Variants in RASGRF2 observed in about 807,000 individuals in gnomAD.
RASGRF2 encodes ras-specific guanine nucleotide-releasing factor 2.
In RASGRF2, 76 loss-of-function variants were observed where a neutral mutation model predicts 151.0. The observed-to-expected ratio is 0.50, with a 90% confidence interval of 0.42 to 0.61. The LOEUF (loss-of-function observed/expected upper bound fraction) is 0.61, where lower values mean the gene tolerates loss of function less well. RASGRF2 is among the 20% of genes least tolerant of loss of function. The probability of loss-of-function intolerance (pLI) is 0.00; values close to 1 mark genes in which losing one functional copy is unlikely to be tolerated. For missense variants in RASGRF2, 1,148 were observed against 1,564.6 expected (o/e 0.73, Z 4.49); for synonymous variants, 504 against 566.5 (o/e 0.89, Z 1.57).
At chr5:81,162,348 G>T (rs1157217247) in intron 17 of RASGRF2, among the ~76,000 whole-genome samples, 6 of 151,844 alleles carry the variant, frequency 4.0e-5, no homozygotes, top group African/African-American at 1.5e-4. Context: ...TTTTTGTTTT[G>T]TTTTTGTTTT....
At chr5:81,031,571 G>A (rs1750249274) in intron 1 of RASGRF2, among the ~76,000 whole-genome samples, 2 of 152,056 alleles carry the variant, frequency 1.3e-5, no homozygotes, top group Non-Finnish European at 2.9e-5. Context: ...ACGAAATGAA[G>A]GCAGAAATAA....
intron 18 of RASGRF2, among the ~76,000 whole-genome samples, chr5:81,188,037 C>T (rs1755069665): frequency 6.6e-6 from 1 of 152,136 alleles, no homozygotes. Flanking sequence ...AAGAAACAAC[C>T]AGCTATTGAG....
At chr5:81,224,446 G>A (rs1005202105) in intron 26 of RASGRF2, among the ~76,000 whole-genome samples, 3 of 152,150 alleles carry the variant, frequency 2.0e-5, no homozygotes, top group Non-Finnish European at 2.9e-5. Flanking sequence ...GAATAAAATC[G>A]AACAATCACT....
At chr5:81,085,271 C>T (rs1045081456) in intron 7 of RASGRF2, among the ~76,000 whole-genome samples, 1 of 151,908 alleles carries the variant, frequency 6.6e-6, no homozygotes, top group Non-Finnish European at 1.5e-5. Flanking sequence ...AACAAAAGTA[C>T]AAATAAATAA....
At chr5:81,187,186 T>G (rs989010672) in intron 18 of RASGRF2, among the ~76,000 whole-genome samples, 21 of 152,168 alleles carry the variant, frequency 1.4e-4, no homozygotes, top group African/African-American at 5.1e-4. Flanking sequence ...CCAGGTAAAC[T>G]TGCTGTGATG....
At chr5:81,094,215 T>G (rs1752472562) in intron 10 of RASGRF2, 81 bp from the exon 11 acceptor site, 2 of 1,129,858 alleles carry the variant, frequency 1.8e-6, no homozygotes, top group East Asian at 2.5e-5. Context: ...CATGGCAACT[T>G]GAATATAGTG....
intron 17 of RASGRF2, among the ~76,000 whole-genome samples, chr5:81,137,654 G>T (rs1753784641): frequency 6.6e-6 from 1 of 152,194 alleles, no homozygotes; most frequent in Non-Finnish European, 1.5e-5. Flanking sequence ...CATACACATA[G>T]ACTAAGGCGT....
intron 1 of RASGRF2, among the ~76,000 whole-genome samples, chr5:81,027,772 G>A (rs527524056): frequency 4.1e-4 from 62 of 152,298 alleles, no homozygotes; most frequent in African/African-American, 1.5e-3. Flanking sequence ...TTCCAGGTCT[G>A]TAAACTCTGC....
chr5:81,002,554 C>G (rs1260085901), intron 1 of RASGRF2, among the ~76,000 whole-genome samples: 4 of 151,994 alleles, frequency 2.6e-5, no homozygotes, highest in Non-Finnish European at 5.9e-5. Flanking sequence ...AGGGAAGGGC[C>G]TTTAATTACT....
At position 81,031,283 on chromosome 5, in the gene RASGRF2, C is replaced by T. The variant is rs180785223; in HGVS notation, c.289-11594C>T. Among the ~76,000 whole-genome samples, 7 of 152,276 alleles carry T rather than the reference C, an allele frequency of 4.6e-5. No individual in the cohort carries two copies. In the East Asian group the frequency reaches 1.4e-3, roughly 29 times the overall value. ...AAGGATATCCAGGAATTGAACTCAG[C>T]TCTGCACCAAGCAGACCTAATAGAC... On this transcript the variant is annotated intron_variant, in intron 1 of 26. Transcript: ENST00000265080.
intron 17 of RASGRF2, among the ~76,000 whole-genome samples, chr5:81,162,465 A>G (rs1754406801): frequency 6.6e-6 from 1 of 152,146 alleles, no homozygotes; most frequent in Non-Finnish European, 1.5e-5. Context: ...CTCCTGCCTT[A>G]GCATCATGAG....
In RASGRF2 at chr5:81,180,276, G is replaced by T; in HGVS notation, c.2788G>T (p.Ala930Ser). 4 of 1,590,150 alleles carry T rather than the reference G, an allele frequency of 2.5e-6. No individual in the cohort carries two copies. Among genetic ancestry groups the T allele is most frequent in the African/African-American group, 1.3e-5 (1 of 74,406 alleles). ...NVLRHWVSKH[A>S]QDFELNNELK... ...CCTCCGTCACTGGGTCTCAAAGCAC[G>T]CACAGGTAAGTCAGTGCCCTCATTA... Residue 930 changes from alanine to serine, a missense_variant, in exon 18 of 27, where the codon GCA becomes TCA. Coordinates refer to ENST00000265080, the MANE Select transcript of RASGRF2 (RefSeq NM_006909.3).
At chr5:81,210,340 G>T (rs1162476232) in intron 22 of RASGRF2, among the ~76,000 whole-genome samples, 1 of 152,238 alleles carries the variant, frequency 6.6e-6, no homozygotes. Flanking sequence ...GCGCACAGCT[G>T]TGTGGCCAGC....
At position 81,070,572 on chromosome 5, in the gene RASGRF2, G is replaced by C; in HGVS notation, c.624G>C (p.Lys208Asn). The C allele has an allele frequency of 6.2e-7, 1 of 1,605,176 alleles. No homozygotes were observed. ...NQEDEDPDIK[K>N]IKKVQSFMRG... is the part of the protein sequence containing the mutation. ...AAGACGAAGATCCAGACATCAAGAA[G>C]ATTAAAAAGGTAGGGCCTGGAGGTT... is the stretch of plus-strand genomic sequence containing the variant. Residue 208 changes from lysine to asparagine, a missense_variant, in exon 4 of 27, where the codon AAG becomes AAC. By Grantham distance (94) the Lys-to-Asn change is moderately conservative. Around this residue, in one of 5 missense-constraint regions of RASGRF2, gnomAD observed 221 missense variants for 271.3 expected, o/e 0.81. Transcript: ENST00000265080.
Position 81,229,525 on chromosome 5 carries a change from A to AG in RASGRF2, c.*3757dup, listed in dbSNP as rs1756066829. 6.6e-6 allele frequency: 1 copy of AG among 152,280 alleles called. No homozygotes were observed. Among genetic ancestry groups the AG allele is most frequent in the South Asian group, 2.1e-4 (1 of 4,838 alleles). The allele number at this position is 152,280 out of a possible 1,614,324, so 9.4% of individuals were successfully genotyped here. A position where few individuals can be genotyped will look rare whatever the true frequency, so the allele number is the denominator to read the frequency against. ...AAATGGAAAACAGTCATTTTGTTGTAGGTATAAACACATGAACGATTCAGA... is the reference window on the plus strand; with the variant it reads ...AAATGGAAAACAGTCATTTTGTTGTAGGGTATAAACACATGAACGATTCAGA... On this transcript the variant is annotated 3_prime_UTR_variant, in exon 27 of 27. Coordinates refer to ENST00000265080, the MANE Select transcript of RASGRF2 (RefSeq NM_006909.3).
At chr5:81,113,474 A>T (rs988353823) in intron 14 of RASGRF2, 64 bp from the exon 15 acceptor site, 2 of 1,473,270 alleles carry the variant, frequency 1.4e-6, no homozygotes, top group African/African-American at 2.8e-5. Flanking sequence ...ATGTTCTTGA[A>T]TGACATCTGG....
intron 1 of RASGRF2, among the ~76,000 whole-genome samples, chr5:81,018,624 A>G (rs900231496): frequency 9.9e-5 from 15 of 152,166 alleles, no homozygotes. Flanking sequence ...CAATATATCC[A>G]ATGTTTAAAA....
At chr5:81,082,568 CCA>C (rs1209255729) in intron 7 of RASGRF2, among the ~76,000 whole-genome samples, 2 of 152,200 alleles carry the variant, frequency 1.3e-5, no homozygotes, top group Admixed American at 6.5e-5. Context: ...CTAGTTATCT[CCA>C]GACTCTCTAG....
rs560521549 is a variant in RASGRF2 at position 81,019,479 on chromosome 5, T to G, written c.289-23398T>G. 4 of 152,176 alleles carry G rather than the reference T, an allele frequency of 2.6e-5. No individual in the cohort carries two copies. The East Asian group carries it at 7.7e-4, about 29-fold the overall frequency. 9.4% of individuals were successfully genotyped at this position (152,176 alleles called of 1,614,324 possible). A position where few individuals can be genotyped will look rare whatever the true frequency, so the allele number is the denominator to read the frequency against. Reference sequence around the variant, plus strand: ...AGGGGTCCCACAGCCTGAGAGGAGGTGGGAACCTCCCATCCTTCCCAGCAG... The same window carrying G: ...AGGGGTCCCACAGCCTGAGAGGAGGGGGGAACCTCCCATCCTTCCCAGCAG... On this transcript the variant is annotated intron_variant, in intron 1 of 26. Transcript: ENST00000265080.
Sources: gnomAD v4.1 joint callset for allele counts (sites outside exome capture counted in the v4.1 genomes callset) on GRCh38, gnomAD v4.1.1 for gene constraint, gnomAD v4.1.1 regional missense constraint, MANE v1.5 for transcripts, NCBI Gene and HGNC (gene_info 2026-07-23, HGNC 2026-07-21) for gene names.